CNTNAP2: variants seen among roughly 807,000 people sequenced by gnomAD.
CNTNAP2 encodes contactin associated protein 2.
In CNTNAP2, 98 loss-of-function variants were observed where a neutral mutation model predicts 155.2. The ratio of observed to expected loss-of-function variants is 0.63; its 90% CI spans 0.54 to 0.75. The LOEUF (loss-of-function observed/expected upper bound fraction) is 0.75, where lower values mean the gene tolerates loss of function less well. Ranked by LOEUF, CNTNAP2 falls within the 30% of genes least tolerant of loss-of-function variation. The pLI, the probability that CNTNAP2 is intolerant of heterozygous loss-of-function variation, is 0.00. For missense variants in CNTNAP2, 1,727 were observed against 1,688.1 expected (o/e 1.02, Z -0.40); for synonymous variants, 651 against 631.2 (o/e 1.03, Z -0.47).
chr7:146,866,878 C>T (rs921670774), intron 3 of CNTNAP2, among the ~76,000 whole-genome samples: 24 of 152,082 alleles, frequency 1.6e-4, no homozygotes, highest in African/African-American at 2.6e-4. Context: ...TAATATACCA[C>T]GGTAGAAACA....
intron 1 of CNTNAP2, among the ~76,000 whole-genome samples, chr7:146,544,163 AATAAC>A (rs1797994695): frequency 6.6e-6 from 1 of 151,988 alleles, no homozygotes; most frequent in South Asian, 2.1e-4. Context: ...AAGAATGTCT[AATAAC>A]ACAGAGTTCT....
At chr7:147,575,051 A>G (rs145421099) in intron 12 of CNTNAP2, among the ~76,000 whole-genome samples, 5 of 151,144 alleles carry the variant, frequency 3.3e-5, no homozygotes, top group Admixed American at 6.6e-5. Flanking sequence ...TTTACTTTCC[A>G]TCCTCCAAAA....
intron 1 of CNTNAP2, among the ~76,000 whole-genome samples, chr7:146,415,869 A>G (rs1457539524): frequency 6.6e-6 from 1 of 152,138 alleles, no homozygotes; most frequent in Non-Finnish European, 1.5e-5. Context: ...TAGGAAGTCA[A>G]TATAAATGGT....
chr7:147,682,009 G>A (rs1265531775), intron 13 of CNTNAP2, among the ~76,000 whole-genome samples: 2 of 151,760 alleles, frequency 1.3e-5, no homozygotes, highest in Non-Finnish European at 2.9e-5. Context: ...TTACTGAAGA[G>A]AAATAGAAAA....
intron 10 of CNTNAP2, among the ~76,000 whole-genome samples, chr7:147,401,638 G>A (rs752098970): frequency 5.9e-5 from 9 of 152,182 alleles, no homozygotes; most frequent in African/African-American, 9.7e-5. Context: ...TAATCACCAT[G>A]TATCAGGGAA....
intron 1 of CNTNAP2, among the ~76,000 whole-genome samples, chr7:146,633,743 T>C (rs1799547634): frequency 7.0e-6 from 1 of 143,090 alleles, no homozygotes; most frequent in Admixed American, 7.5e-5. Context: ...GGCAGGAGAA[T>C]GGCGTGAACC....
intron 13 of CNTNAP2, among the ~76,000 whole-genome samples, chr7:147,844,873 C>T (rs1205683398): frequency 2.4e-5 from 3 of 127,296 alleles, no homozygotes; most frequent in Admixed American, 8.8e-5. Flanking sequence ...TTGTCTTTGG[C>T]TCTGTTTATA....
intron 13 of CNTNAP2, among the ~76,000 whole-genome samples, chr7:147,748,365 G>A (rs925535479): frequency 1.3e-5 from 2 of 151,966 alleles, no homozygotes; most frequent in Non-Finnish European, 2.9e-5. Context: ...AAGATGTGAT[G>A]AATGAAAAGT....
chr7:148,283,255 A>AAAAAGAAAG (rs1797008189), intron 21 of CNTNAP2, among the ~76,000 whole-genome samples: 5 of 63,626 alleles, frequency 7.9e-5, no homozygotes, highest in African/African-American at 1.8e-4. Context: ...AAAAAAAAAA[A>AAAAAGAAAG]AAAGAAAGAA....
intron 3 of CNTNAP2, among the ~76,000 whole-genome samples, chr7:146,883,435 T>G (rs2129209820): frequency 6.6e-6 from 1 of 152,202 alleles, no homozygotes; most frequent in South Asian, 2.1e-4. Flanking sequence ...GTTATTGAGG[T>G]TTTAAAGGGA....
chr7:147,183,379 C>G (rs569912209), intron 8 of CNTNAP2, among the ~76,000 whole-genome samples: 2 of 152,246 alleles, frequency 1.3e-5, no homozygotes, highest in East Asian at 3.9e-4. Context: ...CTACTAAAGC[C>G]TAATTAAGAT....
intron 3 of CNTNAP2, among the ~76,000 whole-genome samples, chr7:147,043,131 A>G (rs185357224): frequency 3.3e-5 from 5 of 152,238 alleles, no homozygotes; most frequent in Admixed American, 6.5e-5. Flanking sequence ...AGTCGAGTCT[A>G]TGGTTTCACA....
At chr7:148,032,416 C>A (rs2116464274) in intron 15 of CNTNAP2, among the ~76,000 whole-genome samples, 1 of 152,218 alleles carries the variant, frequency 6.6e-6, no homozygotes, top group South Asian at 2.1e-4. Flanking sequence ...AGTACAAGGG[C>A]AAGAGACAGA....
At chr7:146,874,195 T>C (rs1321019353) in intron 3 of CNTNAP2, among the ~76,000 whole-genome samples, 1 of 152,108 alleles carries the variant, frequency 6.6e-6, no homozygotes. Flanking sequence ...ATCCTGAATA[T>C]AGCTGATGTT....
chr7:146,711,967 C>T (rs1448066551), intron 1 of CNTNAP2, among the ~76,000 whole-genome samples: 1 of 24,900 alleles, frequency 4.0e-5, no homozygotes, highest in African/African-American at 5.8e-4. Flanking sequence ...ATAGTATACA[C>T]ATCTTATGTA....
intron 8 of CNTNAP2, among the ~76,000 whole-genome samples, chr7:147,168,800 T>G (rs1489730611): frequency 1.3e-5 from 2 of 152,114 alleles, no homozygotes; most frequent in African/African-American, 2.4e-5. Context: ...TGCAAACAAA[T>G]AATAAGCTAG....
At chr7:146,764,423 T>C (rs932843461) in intron 1 of CNTNAP2, among the ~76,000 whole-genome samples, 3 of 152,106 alleles carry the variant, frequency 2.0e-5, no homozygotes, top group African/African-American at 4.8e-5. Flanking sequence ...TCAATTTGTT[T>C]TCCAGATTAC....
At chr7:148,228,413 G>T (rs552797421) in intron 19 of CNTNAP2, among the ~76,000 whole-genome samples, 1 of 152,134 alleles carries the variant, frequency 6.6e-6, no homozygotes, top group Non-Finnish European at 1.5e-5. Flanking sequence ...AGGGCAAAAA[G>T]GGACTCAGGG....
At chr7:148,293,996 C>T (rs200141366) in intron 21 of CNTNAP2, among the ~76,000 whole-genome samples, 3 of 126,936 alleles carry the variant, frequency 2.4e-5, no homozygotes, top group Non-Finnish European at 4.7e-5. Flanking sequence ...GATTGCATTG[C>T]ACCACTGCAT....
Sources: gnomAD v4.1 joint callset for allele counts (sites outside exome capture counted in the v4.1 genomes callset) on GRCh38, gnomAD v4.1.1 for gene constraint, MANE v1.5 for transcripts, NCBI Gene and HGNC (gene_info 2026-07-23, HGNC 2026-07-21) for gene names.